ZFHX3: variants seen among roughly 807,000 people sequenced by gnomAD.
The protein encoded by ZFHX3 is zinc finger homeobox protein 3.
Under a neutral mutation model 279.1 loss-of-function variants are expected in ZFHX3, and 42 were observed. The observed-to-expected ratio is 0.15, with a 90% CI of 0.12 to 0.19. ZFHX3 has a LOEUF of 0.19. Among genes scored for constraint, ZFHX3 ranks in the 10% least tolerant of loss-of-function variants. The pLI is 1.00. For synonymous variants in ZFHX3, 2,293 were observed against 1,957.8 expected, an observed-to-expected ratio of 1.17 and a Z score of -4.52; for missense variants, 4,981 against 4,754.0, an observed-to-expected ratio of 1.05 and a Z score of -1.40.
intron 1 of ZFHX3, among the ~76,000 whole-genome samples, chr16:73,033,080 C>T (rs1050934894): frequency 6.6e-6 from 1 of 152,264 alleles, no homozygotes; most frequent in African/African-American, 2.4e-5. Flanking sequence ...CCTGGGCCCT[C>T]CTTGACCCCA....
intron 2 of ZFHX3, among the ~76,000 whole-genome samples, chr16:73,534,786 TTTA>T (rs1444166428): frequency 2.6e-5 from 4 of 152,308 alleles, no homozygotes; most frequent in African/African-American, 9.6e-5. Context: ...CTTGTGGCAT[TTTA>T]TAACATCAGA....
rs189751194 is a variant in ZFHX3, at chr16:73,733,597, G to A, written c.-1607-53357C>T. Among the ~76,000 whole-genome samples the A allele has an allele frequency of 2.2e-4, 33 of 152,066 alleles. 1 individual carries two copies. The highest frequency in any genetic ancestry group is 3.2e-4 in the Non-Finnish European group (22 of 67,976). ...TGTTCATCATTAACTTTTTCCTGTC[G>A]TTGGGGATTAGATATAGAACTGTGT... is the stretch of plus-strand genomic sequence containing the variant. On this transcript the variant is annotated intron_variant, in intron 1 of 17. Coordinates refer to the ZFHX3 transcript ENST00000641206.
chr16:73,222,531 A>T (rs1385636169), intron 5 of ZFHX3, among the ~76,000 whole-genome samples: 2 of 152,154 alleles, frequency 1.3e-5, no homozygotes, highest in Non-Finnish European at 2.9e-5. Context: ...CAGGATCTAG[A>T]TGAGGAAAAC....
intron 5 of ZFHX3, among the ~76,000 whole-genome samples, chr16:73,228,825 T>C (rs1352347158): frequency 6.6e-6 from 1 of 152,108 alleles, no homozygotes; most frequent in African/African-American, 2.4e-5. Context: ...CTCATGACAA[T>C]GGAATCTAGA....
chr16:73,269,438 G>A (rs960700379), intron 4 of ZFHX3, among the ~76,000 whole-genome samples: 8 of 152,126 alleles, frequency 5.3e-5, no homozygotes, highest in Non-Finnish European at 7.4e-5. Flanking sequence ...TTTTGTTAGC[G>A]ACTTCTTTCA....
chr16:72,867,258 T>C (rs2038045004), intron 4 of ZFHX3, among the ~76,000 whole-genome samples: 1 of 152,198 alleles, frequency 6.6e-6, no homozygotes, highest in African/African-American at 2.4e-5. Flanking sequence ...GTGTGGCATA[T>C]TATGTGATTA....
chr16:73,125,205 T>TTG (rs1314839362), intron 7 of ZFHX3: 1 of 149,974 alleles, frequency 6.7e-6, no homozygotes, highest in Non-Finnish European at 1.5e-5. Flanking sequence ...GCTGTTTTTT[T>TTG]TTTTTTTTTT....
intron 2 of ZFHX3, among the ~76,000 whole-genome samples, chr16:73,467,206 G>A (rs1485096365): frequency 6.6e-6 from 1 of 152,206 alleles, no homozygotes; most frequent in Admixed American, 6.5e-5. Flanking sequence ...TGGAGCTCAC[G>A]GAAACGTAGA....
chr16:73,794,019 C>G (rs1024369420), intron 1 of ZFHX3: 2 of 152,100 alleles, frequency 1.3e-5, no homozygotes, highest in African/African-American at 2.4e-5. Flanking sequence ...TTACATGACA[C>G]GAGATTGGCC....
At chr16:73,242,662 G>T (rs931145261) in intron 5 of ZFHX3, among the ~76,000 whole-genome samples, 6 of 152,208 alleles carry the variant, frequency 3.9e-5, no homozygotes, top group African/African-American at 1.4e-4. Context: ...AAAGCCCACA[G>T]GGAAATGCTG....
intron 1 of ZFHX3, among the ~76,000 whole-genome samples, chr16:73,700,098 T>G (rs780206422): frequency 6.6e-6 from 1 of 151,970 alleles, no homozygotes; most frequent in African/African-American, 2.4e-5. Context: ...TAGCACACAC[T>G]TATGGTCTCA....
intron 1 of ZFHX3, among the ~76,000 whole-genome samples, chr16:73,746,453 C>T (rs977231175): frequency 1.3e-5 from 2 of 152,306 alleles, no homozygotes; most frequent in Non-Finnish European, 2.9e-5. Flanking sequence ...AATAGAAATA[C>T]AGCACCTTCA....
chr16:73,757,556 C>A (rs952052860), intron 1 of ZFHX3, among the ~76,000 whole-genome samples: 16 of 152,072 alleles, frequency 1.1e-4, no homozygotes, highest in African/African-American at 3.9e-4. Flanking sequence ...TATTGGGCAC[C>A]CACCAAGGCT....
rs1217239190 is a variant in ZFHX3 at position 73,807,853 on chromosome 16, A to G, written c.-1608+83798T>C. On this transcript the variant is annotated intron_variant, in intron 1 of 17. Transcript: ENST00000641206. ...CTAATGTCTTTTTTTTCCAACATAC[A>G]TTTTGGACGGGCATCGTACCAGGCC... Among the ~76,000 whole-genome samples, 3 of 151,854 alleles carry G rather than the reference A, an allele frequency of 2.0e-5. No homozygotes were observed. The East Asian group carries it at 5.8e-4, about 29-fold the overall frequency.
chr16:72,791,952 AACCC>A (rs1390774789), intron 9 of ZFHX3, among the ~76,000 whole-genome samples: 2 of 152,220 alleles, frequency 1.3e-5, no homozygotes, highest in Non-Finnish European at 2.9e-5. Flanking sequence ...CAGCTGCTTT[AACCC>A]CTGGGAACAG....
intron 8 of ZFHX3, among the ~76,000 whole-genome samples, chr16:73,070,927 C>CA (rs1965817125): frequency 3.2e-5 from 1 of 30,930 alleles, no homozygotes; most frequent in African/African-American, 7.8e-5. Flanking sequence ...CGCGCGCGCG[C>CA]GCGCGCGCGC....
chr16:73,481,346 A>G (rs2018862066), intron 2 of ZFHX3, among the ~76,000 whole-genome samples: 1 of 151,666 alleles, frequency 6.6e-6, no homozygotes, highest in South Asian at 2.1e-4. Context: ...AAAAAAGAAC[A>G]AAGTCCTAAA....
At chr16:73,008,911 C>CGTGTGTGTGTGTGTGTGT (rs5817822) in intron 1 of ZFHX3, among the ~76,000 whole-genome samples, 32 of 149,714 alleles carry the variant, frequency 2.1e-4, no homozygotes, top group African/African-American at 7.9e-4. Flanking sequence ...AAAGTATATA[C>CGTGTGTGTGTGTGTGTGT]GTGTGTGTGT....
intron 4 of ZFHX3, among the ~76,000 whole-genome samples, chr16:72,881,320 A>AACCAGGGAGG (rs1213485407): frequency 6.6e-6 from 1 of 152,214 alleles, no homozygotes; most frequent in Non-Finnish European, 1.5e-5. Context: ...AAAGCCCAGG[A>AACCAGGGAGG]ACCAGGGAGG....
Sources: allele counts gnomAD v4.1 joint callset (sites outside exome capture counted in the v4.1 genomes callset), GRCh38; gene constraint gnomAD v4.1.1; transcripts MANE v1.5; gene names NCBI Gene and HGNC (gene_info 2026-07-23, HGNC 2026-07-21).